Variants in RBFOX1 observed in about 807,000 individuals in gnomAD.
The protein encoded by RBFOX1 is RNA binding fox-1 homolog 1.
In RBFOX1, 8 loss-of-function variants were observed where a neutral mutation model predicts 57.7. That is an observed-to-expected ratio of 0.14 (90% CI 0.08 to 0.25). RBFOX1 has a LOEUF of 0.25. Among genes scored for constraint, RBFOX1 ranks in the 10% least tolerant of loss-of-function variants. RBFOX1 has a pLI of 1.00. For missense variants in RBFOX1, 611 were observed against 548.5 expected (o/e 1.11, Z -1.14); for synonymous variants, 326 against 222.4 (o/e 1.47, Z -4.15).
chr16:5,755,877 C>A (rs553508901), intron 3 of RBFOX1, among the ~76,000 whole-genome samples: 1 of 152,112 alleles, frequency 6.6e-6, no homozygotes, highest in African/African-American at 2.4e-5. Flanking sequence ...GAATTACAGG[C>A]GTGAGCTCTT....
At position 5,329,725 on chromosome 16, in the gene RBFOX1, C is replaced by T. The variant is rs138672199; in HGVS notation, c.219+89620C>T. ...AAGATCAAGACATATGTGGGCCGGGCGCGGTGGCTTACGCCTGTAATCCCA... is the reference window on the plus strand; with the variant it reads ...AAGATCAAGACATATGTGGGCCGGGTGCGGTGGCTTACGCCTGTAATCCCA... On this transcript the variant is annotated intron_variant, in intron 1 of 2. Transcript: ENST00000585867. Among the ~76,000 whole-genome samples, 546 of 152,272 alleles carry T rather than the reference C, an allele frequency of 3.6e-3. 5 individuals are homozygous for T. Among genetic ancestry groups the T allele is most frequent in the African/African-American group, 0.012 (514 of 41,532 alleles).
chr16:5,347,742 C>G (rs1025495715), intron 1 of RBFOX1, among the ~76,000 whole-genome samples: 3 of 149,790 alleles, frequency 2.0e-5, no homozygotes, highest in Non-Finnish European at 4.5e-5. Flanking sequence ...CCACCCCTGC[C>G]CACCCGTCAA....
At chr16:7,246,728 T>C (rs541119973) in intron 4 of RBFOX1, among the ~76,000 whole-genome samples, 2 of 151,076 alleles carry the variant, frequency 1.3e-5, no homozygotes, top group East Asian at 3.9e-4. Context: ...TTTGTTGTGC[T>C]GACTGCGGTG....
intron 4 of RBFOX1, among the ~76,000 whole-genome samples, chr16:5,975,682 G>A (rs2060048111): frequency 1.3e-5 from 2 of 152,108 alleles, no homozygotes; most frequent in Admixed American, 6.6e-5. Flanking sequence ...GCCCATGTTG[G>A]AGGAGCTCCT....
At chr16:6,134,092 A>C (rs1322341491) in intron 1 of RBFOX1, among the ~76,000 whole-genome samples, 2 of 151,944 alleles carry the variant, frequency 1.3e-5, no homozygotes, top group East Asian at 3.9e-4. Context: ...GTATGCCACC[A>C]TGCCCAGCTA....
At chr16:6,963,187 T>TC (rs1783790474) in intron 3 of RBFOX1, among the ~76,000 whole-genome samples, 1 of 152,118 alleles carries the variant, frequency 6.6e-6, no homozygotes, top group South Asian at 2.1e-4. Flanking sequence ...CTATTTTTTT[T>TC]CGGAGTCCGT....
intron 3 of RBFOX1, among the ~76,000 whole-genome samples, chr16:6,901,186 A>T (rs1596605622): frequency 6.6e-6 from 1 of 152,190 alleles, no homozygotes; most frequent in African/African-American, 2.4e-5. Context: ...ATAGGTATTC[A>T]ATAAATATAT....
rs990316317 is a variant in RBFOX1, at chr16:6,970,173, G to A, written c.-15-81884G>A. ...AGCCTGGGCAACAGAACAAGACTCT[G>A]GGGGGAAAAAAATAAAAAAGAAAGA... On this transcript the variant is annotated intron_variant, in intron 3 of 15. Transcript: ENST00000550418. 2.6e-5 allele frequency among the ~76,000 whole-genome samples: 4 copies of A among 151,576 alleles called. No homozygotes were observed. In the East Asian group the frequency reaches 7.8e-4, roughly 29 times the overall value.
intron 2 of RBFOX1, among the ~76,000 whole-genome samples, chr16:6,453,518 C>T (rs1162990454): frequency 6.6e-6 from 1 of 152,092 alleles, no homozygotes; most frequent in African/African-American, 2.4e-5. Context: ...ATAACAAGTT[C>T]TGAAATTGAG....
At chr16:7,388,251 G>C (rs543856458) in intron 4 of RBFOX1, among the ~76,000 whole-genome samples, 1 of 152,088 alleles carries the variant, frequency 6.6e-6, no homozygotes, top group Non-Finnish European at 1.5e-5. Flanking sequence ...TGCAGCACTC[G>C]GTATCCATGA....
intron 3 of RBFOX1, among the ~76,000 whole-genome samples, chr16:6,746,297 T>G (rs1336534902): frequency 6.6e-6 from 1 of 152,042 alleles, no homozygotes; most frequent in Non-Finnish European, 1.5e-5. Context: ...GAAGTCAACT[T>G]GAATGGCCAA....
At chr16:6,903,943 C>A (rs559275084) in intron 3 of RBFOX1, among the ~76,000 whole-genome samples, 2 of 152,164 alleles carry the variant, frequency 1.3e-5, no homozygotes, top group East Asian at 3.9e-4. Flanking sequence ...AGGCTGGCAC[C>A]ATTTGGAGGT....
chr16:6,563,608 C>G (rs778007648), intron 2 of RBFOX1, among the ~76,000 whole-genome samples: 1 of 152,096 alleles, frequency 6.6e-6, no homozygotes, highest in South Asian at 2.1e-4. Flanking sequence ...CTTTGCGAGG[C>G]CAAGGTAGGC....
chr16:6,991,910 A>C (rs1308667639), intron 3 of RBFOX1, among the ~76,000 whole-genome samples: 3 of 152,138 alleles, frequency 2.0e-5, no homozygotes, highest in Non-Finnish European at 4.4e-5. Context: ...CTTAGATCCT[A>C]CCCACAGAGT....
At chr16:6,115,896 G>A (rs1178264262) in intron 1 of RBFOX1, among the ~76,000 whole-genome samples, 2 of 152,054 alleles carry the variant, frequency 1.3e-5, no homozygotes, top group Non-Finnish European at 2.9e-5. Flanking sequence ...GTAATACTAT[G>A]TGCACTAGTG....
chr16:5,367,932 A>C lies in RBFOX1; in HGVS notation c.220-99284A>C, dbSNP rs371844253. 8.5e-5 allele frequency among the ~76,000 whole-genome samples: 13 copies of C among 152,180 alleles called. No homozygotes were observed. The East Asian group carries it at 2.5e-3, about 29-fold the overall frequency. The stretch of plus-strand genomic sequence containing the variant: ...CGTTAAGAAGATCCACACCTCATGC[A>C]CTTGACCTTGGGTTGTGAGGAGTTT... On this transcript the variant is annotated intron_variant, in intron 1 of 2. Transcript: ENST00000585867.
chr16:7,146,225 A>G (rs1226612363), intron 4 of RBFOX1, among the ~76,000 whole-genome samples: 1 of 64,938 alleles, frequency 1.5e-5, no homozygotes, highest in Non-Finnish European at 3.5e-5. Flanking sequence ...ACTGGGCCTC[A>G]CAATCCATAT....
At chr16:5,320,842 G>A in intron 1 of RBFOX1, among the ~76,000 whole-genome samples, 1 of 152,146 alleles carries the variant, frequency 6.6e-6, no homozygotes, top group East Asian at 1.9e-4. Flanking sequence ...AGGCACGAGG[G>A]GGTTCTGGGC....
chr16:7,150,161 C>T (rs552528110), intron 4 of RBFOX1, among the ~76,000 whole-genome samples: 30 of 152,248 alleles, frequency 2.0e-4, no homozygotes, highest in South Asian at 6.2e-4. Flanking sequence ...TATTAGCAGC[C>T]TCCTTCTGCT....
Sources: allele counts gnomAD v4.1 joint callset (sites outside exome capture counted in the v4.1 genomes callset), GRCh38; gene constraint gnomAD v4.1.1; transcripts MANE v1.5; gene names NCBI Gene and HGNC (gene_info 2026-07-23, HGNC 2026-07-21).